CHD6: variants seen among roughly 807,000 people sequenced by gnomAD.
CHD6 encodes chromodomain helicase DNA binding protein 6.
A neutral mutation model predicts 276.9 loss-of-function variants in CHD6; 50 were observed. The observed-to-expected ratio is 0.18, with a 90% CI of 0.14 to 0.23. The LOEUF (loss-of-function observed/expected upper bound fraction) is 0.23, where lower values mean the gene tolerates loss of function less well. CHD6 is among the 10% of genes least tolerant of loss of function. The pLI, the probability that CHD6 is intolerant of heterozygous loss-of-function variation, is 1.00. For missense variants in CHD6, 2,564 were observed against 3,365.8 expected (o/e 0.76, Z 5.89); for synonymous variants, 1,173 against 1,229.3 (o/e 0.95, Z 0.96).
intron 3 of CHD6, among the ~76,000 whole-genome samples, chr20:41,531,665 G>T (rs572334869): frequency 4.4e-4 from 67 of 152,298 alleles, no homozygotes; most frequent in South Asian, 3.5e-3. Flanking sequence ...AGTTTCTGTG[G>T]TAGATGAAAG....
At chr20:41,419,771 A>G (rs1307852670) in intron 31 of CHD6, among the ~76,000 whole-genome samples, 1 of 152,054 alleles carries the variant, frequency 6.6e-6, no homozygotes. Flanking sequence ...ATCTGAAAAA[A>G]ATTAAAACTA....
intron 31 of CHD6, among the ~76,000 whole-genome samples, chr20:41,420,194 A>G (rs1228565773): frequency 6.6e-6 from 1 of 152,238 alleles, no homozygotes; most frequent in African/African-American, 2.4e-5. Flanking sequence ...CACCTTATCT[A>G]GGGGAAGAAC....
rs113370889 is a variant in CHD6, at chr20:41,413,852, C to T, written c.6940-337G>A. 5.7e-5 allele frequency: 11 copies of T among 193,290 alleles called. 1 individual carries two copies. The highest frequency in any genetic ancestry group is 2.3e-4 in the African/African-American group (10 of 43,172). The allele number at this position is 193,290 out of a possible 1,614,324, so 12.0% of individuals were successfully genotyped here. On this transcript the variant is annotated intron_variant, in intron 34 of 36. Transcript: ENST00000373233. ...CACTCACTGCTCCAGCTCCTGTCCC[C>T]ACAGCACTCGGTTCCTAGCTCTCTC... is the stretch of plus-strand genomic sequence containing the variant.
chr20:41,463,884 CT>C (rs1355775045), intron 17 of CHD6, among the ~76,000 whole-genome samples: 1 of 152,146 alleles, frequency 6.6e-6, no homozygotes, highest in African/African-American at 2.4e-5. Flanking sequence ...AGAGAAAGTC[CT>C]TGTACTTAGT....
chr20:41,438,704 C>T (rs1380666163), intron 26 of CHD6, among the ~76,000 whole-genome samples: 3 of 152,098 alleles, frequency 2.0e-5, no homozygotes, highest in Admixed American at 2.0e-4. Context: ...ACCACTTAAC[C>T]GTAGAAAGAA....
intron 27 of CHD6, among the ~76,000 whole-genome samples, chr20:41,427,655 T>C (rs2047407965): frequency 6.6e-6 from 1 of 152,198 alleles, no homozygotes; most frequent in Non-Finnish European, 1.5e-5. Context: ...AACATATTTA[T>C]AACAGAAGTG....
At chr20:41,610,760 A>AAAATAAATAAATAAATAAATAAAT (rs5841413) in intron 1 of CHD6, among the ~76,000 whole-genome samples, 1 of 147,216 alleles carries the variant, frequency 6.8e-6, no homozygotes, top group African/African-American at 2.5e-5. Context: ...TCCGTCTCAA[A>AAAATAAATAAATAAATAAATAAAT]AAATAAATAA....
chr20:41,482,369 T>A (rs146008835), intron 16 of CHD6, among the ~76,000 whole-genome samples: 26 of 152,296 alleles, frequency 1.7e-4, no homozygotes, highest in African/African-American at 6.3e-4. Flanking sequence ...TATTGTCTAA[T>A]CAGACTTTGA....
At chr20:41,551,841 G>A (rs1027345104) in intron 1 of CHD6, among the ~76,000 whole-genome samples, 1 of 152,066 alleles carries the variant, frequency 6.6e-6, no homozygotes, top group Non-Finnish European at 1.5e-5. Context: ...GACAGGATTT[G>A]GTATATTATT....
intron 1 of CHD6, among the ~76,000 whole-genome samples, chr20:41,595,133 C>T (rs967375255): frequency 6.6e-6 from 1 of 152,104 alleles, no homozygotes; most frequent in African/African-American, 2.4e-5. Flanking sequence ...GGGATCGAGA[C>T]CCACCTGGTG....
chr20:41,512,890 G>C lies in CHD6; in HGVS notation c.808C>G (p.Arg270Gly), dbSNP rs745510467. The part of the protein sequence containing the change: ...GETIAVLGAG[R>G]TSALSASTLA... ...GTAGAGGCTGAGAGTGCAGATGTTC[G>C]ACCAGCTCCAAGAACAGCAATTGTT... The change falls in exon 5 of 37, where the codon CGA becomes GGA. Residue 270 changes from arginine (R) to glycine (G), a missense_variant. By Grantham distance (125) the Arg-to-Gly change is moderately radical (BLOSUM62 -2). Transcript: ENST00000373233. 1.2e-6 allele frequency: 2 copies of C among 1,613,852 alleles called. No individual in the cohort carries two copies. The highest frequency in any genetic ancestry group is 8.5e-7 in the Non-Finnish European group (1 of 1,179,930).
In CHD6 at chr20:41,555,638, C is replaced by T. The variant is rs2045221326; in HGVS notation, c.-23-4278G>A. Among the ~76,000 whole-genome samples the T allele has an allele frequency of 2.0e-5, 3 of 151,108 alleles. No homozygotes were observed. The South Asian group carries it at 6.3e-4, about 32-fold the overall frequency. On this transcript the variant is annotated intron_variant, in intron 1 of 36. Coordinates refer to ENST00000373233, the MANE Select transcript of CHD6 (RefSeq NM_032221.5). ...GGGGTCGCGGCCGGGTAGAGGCACT[C>T]CTCACATCCCAGACGGGGCGGCGGG...
intron 31 of CHD6, among the ~76,000 whole-genome samples, chr20:41,418,483 T>G (rs1488360809): frequency 1.3e-5 from 2 of 152,036 alleles, no homozygotes; most frequent in Non-Finnish European, 2.9e-5. Flanking sequence ...GTGGAAATCA[T>G]CTAGAACATG....
Position 41,420,809 on chromosome 20 carries a change from G to GT in CHD6, c.5825dup (p.His1942GlnfsTer12). Reference sequence around the variant, plus strand: ...CGAGGCCATGCATCCACCTCTCCATGTGTTTGCAGTGGCACTGACAGGCTG... The same window carrying GT: ...CGAGGCCATGCATCCACCTCTCCATGTTGTTTGCAGTGGCACTGACAGGCTG... On this transcript the variant is annotated frameshift_variant, in exon 31 of 37. Coordinates refer to ENST00000373233, the MANE Select transcript of CHD6 (RefSeq NM_032221.5). LOFTEE classifies it high-confidence loss of function. The GT allele has an allele frequency of 6.2e-7, 1 of 1,614,186 alleles. No individual in the cohort carries two copies. The highest frequency in any genetic ancestry group is 8.5e-7 in the Non-Finnish European group (1 of 1,180,040).
At chr20:41,578,494 A>C (rs1161025199) in intron 1 of CHD6, among the ~76,000 whole-genome samples, 2 of 152,170 alleles carry the variant, frequency 1.3e-5, no homozygotes, top group African/African-American at 4.8e-5. Flanking sequence ...ATAATTATTT[A>C]GGTAACAATC....
rs116841172 is a variant in CHD6, at chr20:41,543,132, T to C, written c.33+8173A>G. On this transcript the variant is annotated intron_variant, in intron 2 of 36. Transcript: ENST00000373233. ...AAAAAAAAAAAAAGGATGTCAATAA[T>C]AATAATAGTTAATTTTACTAACAAA... Among the ~76,000 whole-genome samples the C allele has an allele frequency of 3.0e-3, 443 of 149,596 alleles. 13 individuals are homozygous for C. The East Asian group carries it at 0.078, about 26-fold the overall frequency.
chr20:41,576,845 A>T (rs562861257), intron 1 of CHD6, among the ~76,000 whole-genome samples: 2 of 152,330 alleles, frequency 1.3e-5, no homozygotes, highest in Non-Finnish European at 2.9e-5. Flanking sequence ...ATTCTTGAGG[A>T]TGTAGTCATG....
chr20:41,498,811 A>ATGTGTGTGTG (rs71193638), intron 6 of CHD6, among the ~76,000 whole-genome samples: 15 of 86,552 alleles, frequency 1.7e-4, no homozygotes, highest in Admixed American at 9.9e-4. Flanking sequence ...GTATGTATGT[A>ATGTGTGTGTG]TGTGTGTGTG....
intron 1 of CHD6, among the ~76,000 whole-genome samples, chr20:41,597,259 G>A (rs1203219898): frequency 2.0e-5 from 3 of 151,926 alleles, no homozygotes; most frequent in South Asian, 2.1e-4. Context: ...TAAATTTAGA[G>A]GTGGGACGTA....
Sources: allele counts gnomAD v4.1 joint callset (sites outside exome capture counted in the v4.1 genomes callset), GRCh38; gene constraint gnomAD v4.1.1; transcripts MANE v1.5; gene names NCBI Gene and HGNC (gene_info 2026-07-23, HGNC 2026-07-21).